The following GALNS variants were observed in gnomAD, a reference collection of about 807,000 sequenced individuals.
The protein encoded by GALNS is galactosamine (N-acetyl)-6-sulfatase, also known as N-acetylgalactosamine-6-sulfatase.
GALNS carries 65 observed loss-of-function variants against 65.9 expected under a neutral mutation model. The ratio of observed to expected loss-of-function variants is 0.99; its 90% CI spans 0.81 to 1.21. The LOEUF is 1.21. Among genes scored for constraint, GALNS ranks in the 50% most tolerant of loss-of-function variants. The pLI is 0.00. For synonymous variants in GALNS, 346 were observed against 288.9 expected, an observed-to-expected ratio of 1.20 and a Z score of -2.00; for missense variants, 776 against 700.7, an observed-to-expected ratio of 1.11 and a Z score of -1.21.
intron 1 of GALNS, chr16:88,843,426 CCT>C (rs1967082320): frequency 5.6e-6 from 2 of 358,056 alleles, no homozygotes; most frequent in South Asian, 2.1e-5. Flanking sequence ...GCAGGAGCAC[CCT>C]GAGCGCCCAT....
chr16:88,816,093 C>T (rs989539978), intron 13 of GALNS: 1 of 985,432 alleles, frequency 1.0e-6, no homozygotes, highest in South Asian at 4.7e-5. Flanking sequence ...CCCCTCAGAC[C>T]CCAGTGGCTC....
chr16:88,814,926 G>C (rs1175856652), intron 13 of GALNS: 7 of 569,068 alleles, frequency 1.2e-5, no homozygotes, highest in Non-Finnish European at 1.3e-5. Context: ...AGAGACAAGG[G>C]TTCCCCAAGT....
intron 6 of GALNS, 126 bp from the exon 7 acceptor site, chr16:88,835,975 G>C: frequency 6.8e-7 from 1 of 1,463,544 alleles, no homozygotes; most frequent in Admixed American, 1.8e-5. Flanking sequence ...GCGTCCCACG[G>C]GGCAAGGTTG....
intron 1 of GALNS, among the ~76,000 whole-genome samples, chr16:88,853,168 T>C (rs1042214909): frequency 6.7e-6 from 1 of 148,946 alleles, no homozygotes; most frequent in Non-Finnish European, 1.5e-5. Flanking sequence ...GGAGAATTGC[T>C]TGAACCTGGG....
intron 13 of GALNS, 97 bp downstream of exon 13, chr16:88,817,910 C>G: frequency 1.9e-6 from 2 of 1,045,146 alleles, no homozygotes; most frequent in Middle Eastern, 2.5e-4. Flanking sequence ...GGAAGCACGC[C>G]TGCCTCTGCC....
intron 12 of GALNS, among the ~76,000 whole-genome samples, chr16:88,818,940 G>A (rs1042125151): frequency 6.6e-5 from 10 of 152,202 alleles, no homozygotes; most frequent in Non-Finnish European, 1.5e-4. Flanking sequence ...AGCCACTCTG[G>A]AAGGTGGTGT....
At chr16:88,817,636 C>T (rs1036544838) in intron 13 of GALNS, among the ~76,000 whole-genome samples, 3 of 152,314 alleles carry the variant, frequency 2.0e-5, no homozygotes, top group Admixed American at 1.3e-4. Context: ...AGAAGCTGCC[C>T]GTGTGGGAGT....
chr16:88,832,131 T>A (rs1291660083), intron 8 of GALNS, 30 bp from the exon 9 acceptor site: 7 of 1,578,714 alleles, frequency 4.4e-6, no homozygotes, highest in Non-Finnish European at 6.1e-6. Flanking sequence ...GTCAGGCCAC[T>A]GGGACCAGAT....
chr16:88,824,532 G>GC (rs1910600613), intron 11 of GALNS, among the ~76,000 whole-genome samples: 2 of 152,248 alleles, frequency 1.3e-5, no homozygotes, highest in Admixed American at 1.3e-4. Flanking sequence ...TAGCTATGCC[G>GC]CGGGGCTACT....
At chr16:88,846,810 T>G (rs1967267524) in intron 1 of GALNS, among the ~76,000 whole-genome samples, 2 of 152,234 alleles carry the variant, frequency 1.3e-5, no homozygotes, top group East Asian at 3.9e-4. Context: ...CCCAAAGTGC[T>G]GGGATTACAG....
At chr16:88,818,477 G>A (rs1475460428) in intron 12 of GALNS, among the ~76,000 whole-genome samples, 1 of 152,186 alleles carries the variant, frequency 6.6e-6, no homozygotes, top group African/African-American at 2.4e-5. Flanking sequence ...TCACTACTAC[G>A]TAAACATTTA....
At chr16:88,827,089 G>C (rs1238804038) in intron 9 of GALNS, 8 of 585,592 alleles carry the variant, frequency 1.4e-5, no homozygotes, top group Non-Finnish European at 2.4e-5. Context: ...TGCCTCTGTG[G>C]ATCAGATGAA....
At position 88,842,709 on chromosome 16, in the gene GALNS, GC is replaced by G; in HGVS notation, c.240del (p.Pro81HisfsTer48). 6.2e-7 allele frequency: 1 copy of G among 1,612,708 alleles called. No homozygotes were observed. Among genetic ancestry groups the G allele is most frequent in the Non-Finnish European group, 8.5e-7 (1 of 1,179,700 alleles). On this transcript the variant is annotated frameshift_variant, in exon 2 of 14. Coordinates refer to ENST00000268695, the MANE Select transcript of GALNS (RefSeq NM_000512.5). LOFTEE classifies it high-confidence loss of function. ...GGCGAGGGCCCCGCTGACTTACATG[GC>G]GAGCACAGAGGGTTGGCAGAATAGA... ...PNFYSANPLC[S>X]PSRAALLTGR...
intron 1 of GALNS, among the ~76,000 whole-genome samples, chr16:88,851,240 C>G (rs77352724): frequency 0.047 from 7,150 of 152,248 alleles, 235 homozygotes; most frequent in Middle Eastern, 0.15. Flanking sequence ...AGGGCTGGAT[C>G]CAGTGGTTCA....
At chr16:88,856,301 C>G (rs763868270) in intron 1 of GALNS, 2 of 702,764 alleles carry the variant, frequency 2.8e-6, no homozygotes, top group South Asian at 1.5e-5. Flanking sequence ...GGGAGTGATT[C>G]CTAGGGCGAC....
At position 88,849,805 on chromosome 16, in the gene GALNS, G is replaced by A. The variant is rs74035864; in HGVS notation, c.120+6953C>T. Among the ~76,000 whole-genome samples, 580 of 152,360 alleles carry A rather than the reference G, an allele frequency of 3.8e-3. 2 individuals carry two copies. The highest frequency in any genetic ancestry group is 0.013 in the African/African-American group (535 of 41,582). ...GGAATGAAAGGAGGACCTAGAGAGA[G>A]GTGTCCCCTGAAGCTGATGAGGAAG... is the stretch of plus-strand genomic sequence containing the variant. On this transcript the variant is annotated intron_variant, in intron 1 of 13. Transcript: ENST00000268695.
chr16:88,844,210 G>A (rs1680178139), intron 1 of GALNS: 1 of 152,326 alleles, frequency 6.6e-6, no homozygotes, highest in South Asian at 2.1e-4. Flanking sequence ...ACGGAGGCTG[G>A]GGTGATGCCA....
At chr16:88,837,390 G>A (rs1300238194) in intron 5 of GALNS, among the ~76,000 whole-genome samples, 1 of 152,216 alleles carries the variant, frequency 6.6e-6, no homozygotes, top group Non-Finnish European at 1.5e-5. Flanking sequence ...GACAGCTACA[G>A]GGATCTACGA....
At chr16:88,821,406 C>A (rs895561667) in intron 12 of GALNS, among the ~76,000 whole-genome samples, 1 of 152,210 alleles carries the variant, frequency 6.6e-6, no homozygotes, top group Non-Finnish European at 1.5e-5. Flanking sequence ...AAGGCACAGG[C>A]CCTACTTCCC....
Sources: gnomAD v4.1 joint callset for allele counts (sites outside exome capture counted in the v4.1 genomes callset) on GRCh38, gnomAD v4.1.1 for gene constraint, MANE v1.5 for transcripts, NCBI Gene and HGNC (gene_info 2026-07-23, HGNC 2026-07-21) for gene names.